DOCK1: variants seen among roughly 807,000 people sequenced by gnomAD.
DOCK1 encodes the protein dedicator of cytokinesis 1, also known as dedicator of cytokinesis protein 1.
A neutral mutation model predicts 262.7 loss-of-function variants in DOCK1; 138 were observed. That is an observed-to-expected ratio of 0.53 (90% CI 0.46 to 0.61). The LOEUF (loss-of-function observed/expected upper bound fraction) is 0.61, where lower values mean the gene tolerates loss of function less well. Among genes scored for constraint, DOCK1 ranks in the 20% least tolerant of loss-of-function variants. The pLI is 0.00. For synonymous variants in DOCK1, 866 were observed against 867.4 expected (o/e 1.00, Z 0.03); for missense variants, 1,908 against 2,370.7 (o/e 0.80, Z 4.05).
At chr10:127,183,250 G>GGATA (rs1667154885) in intron 27 of DOCK1, among the ~76,000 whole-genome samples, 2 of 152,166 alleles carry the variant, frequency 1.3e-5, no homozygotes, top group South Asian at 4.2e-4. Context: ...AATCAGGGCA[G>GGATA]GATATCTGCT....
intron 1 of DOCK1, among the ~76,000 whole-genome samples, chr10:126,940,694 G>A (rs1033652067): frequency 2.0e-5 from 3 of 152,214 alleles, no homozygotes; most frequent in Non-Finnish European, 4.4e-5. Flanking sequence ...GTGAGCCACT[G>A]CGCCTGGCCC....
chr10:126,948,706 G>C (rs979039871), intron 1 of DOCK1, among the ~76,000 whole-genome samples: 7 of 152,024 alleles, frequency 4.6e-5, no homozygotes, highest in Non-Finnish European at 4.4e-5. Context: ...CGGAGCCTGT[G>C]ATGCGGGCGC....
chr10:127,187,834 A>T (rs2056425299), intron 27 of DOCK1, among the ~76,000 whole-genome samples: 1 of 152,216 alleles, frequency 6.6e-6, no homozygotes, highest in African/African-American at 2.4e-5. Flanking sequence ...ACCCCAGTCC[A>T]GGTAAATCAG....
chr10:127,175,451 G>T lies in DOCK1; in HGVS notation c.2847+47687G>T. The T allele has an allele frequency of 6.2e-7, 1 of 1,611,656 alleles. No homozygotes were observed. The highest frequency in any genetic ancestry group is 8.5e-7 in the Non-Finnish European group (1 of 1,180,022). Reference sequence around the variant, plus strand: ...GCGACGGCTGCTCACTACATTCGGGGGACAGGCACTGCATCGGGGGTGAGC... The same window carrying T: ...GCGACGGCTGCTCACTACATTCGGGTGACAGGCACTGCATCGGGGGTGAGC... On this transcript the variant is annotated intron_variant, in intron 27 of 51. Transcript: ENST00000623213. This position sits in a 1 kb window ranked among gnomAD's most constrained non-coding sequence, Gnocchi z 6.3.
In DOCK1 at chr10:126,997,867, T is replaced by C. The variant is rs566024047; in HGVS notation, c.610-225T>C. The C allele has an allele frequency of 2.7e-5, 14 of 519,718 alleles. No homozygotes were observed. The South Asian group carries it at 3.9e-4, about 15-fold the overall frequency. The allele number at this position is 519,718 out of a possible 1,614,324, so 32.2% of individuals were successfully genotyped here. ...GATGGACACCTGAAAGTTTTGTATC[T>C]CTGAAAATACTCAGCACAGCAGTTG... On this transcript the variant is annotated intron_variant, in intron 7 of 51. Transcript: ENST00000623213.
chr10:126,979,632 ACACCTGGG>A (rs1034785884), intron 3 of DOCK1, among the ~76,000 whole-genome samples: 4 of 152,120 alleles, frequency 2.6e-5, no homozygotes, highest in African/African-American at 9.7e-5. Context: ...TTTCTGCACT[ACACCTGGG>A]CACCTAGACA....
chr10:127,082,780 G>A (rs916830351), intron 23 of DOCK1, among the ~76,000 whole-genome samples: 5 of 152,188 alleles, frequency 3.3e-5, no homozygotes, highest in East Asian at 3.9e-4. Flanking sequence ...TCCTTTCCCC[G>A]TGCCCCACAC....
chr10:127,404,547 C>G, intron 40 of DOCK1, 118 bp downstream of exon 40: 1 of 888,918 alleles, frequency 1.1e-6, no homozygotes, highest in Non-Finnish European at 1.8e-6. Flanking sequence ...ACTCTCTACA[C>G]TGCCATAGCT....
At chr10:127,081,802 T>G (rs547883878) in intron 23 of DOCK1, among the ~76,000 whole-genome samples, 23 of 152,222 alleles carry the variant, frequency 1.5e-4, no homozygotes, top group African/African-American at 5.3e-4. Context: ...GAGGTAAAAT[T>G]TATATGAACA....
At chr10:127,062,808 G>A (rs2045617792) in intron 23 of DOCK1, among the ~76,000 whole-genome samples, 1 of 152,244 alleles carries the variant, frequency 6.6e-6, no homozygotes, top group Non-Finnish European at 1.5e-5. Context: ...GCCCTGGAAA[G>A]GGTGGTGAAC....
intron 2 of DOCK1, among the ~76,000 whole-genome samples, chr10:126,971,599 G>A (rs1232775250): frequency 6.6e-6 from 1 of 152,042 alleles, no homozygotes; most frequent in Non-Finnish European, 1.5e-5. Context: ...TATATTTTTT[G>A]TAGAGACAGG....
chr10:127,433,232 G>A, intron 47 of DOCK1, 51 bp from the exon 48 acceptor site: 1 of 1,601,882 alleles, frequency 6.2e-7, no homozygotes, highest in Non-Finnish European at 8.5e-7. Flanking sequence ...GTCTGACCAT[G>A]GCAGGCACAG....
At chr10:127,438,608 G>A (rs977099978) in intron 48 of DOCK1, among the ~76,000 whole-genome samples, 5 of 152,154 alleles carry the variant, frequency 3.3e-5, no homozygotes, top group African/African-American at 9.7e-5. Flanking sequence ...TAGAGCCTTG[G>A]TCAGGATCAA....
intron 27 of DOCK1, among the ~76,000 whole-genome samples, chr10:127,246,049 C>T (rs74158641): frequency 6.2e-4 from 94 of 152,288 alleles, no homozygotes; most frequent in African/African-American, 2.0e-3. Context: ...CAGAGTACTT[C>T]GAAGCCTCTT....
chr10:127,280,841 T>G (rs2060935267), intron 29 of DOCK1, among the ~76,000 whole-genome samples: 1 of 152,158 alleles, frequency 6.6e-6, no homozygotes, highest in Non-Finnish European at 1.5e-5. Context: ...CATTTTTTAC[T>G]CCACGCTAAG....
At chr10:127,138,111 G>A in intron 27 of DOCK1, 1 of 1,126,964 alleles carries the variant, frequency 8.9e-7, no homozygotes, top group Non-Finnish European at 1.3e-6. Flanking sequence ...CATGATCAGT[G>A]TGTGTTTGTA....
chr10:127,276,255 C>G (rs1408142773), intron 29 of DOCK1, among the ~76,000 whole-genome samples: 1 of 152,174 alleles, frequency 6.6e-6, no homozygotes, highest in Non-Finnish European at 1.5e-5. Context: ...ACCAGAGCCC[C>G]TAGAGAGATG....
At chr10:127,385,135 A>G (rs1285145356) in intron 38 of DOCK1, among the ~76,000 whole-genome samples, 1 of 152,154 alleles carries the variant, frequency 6.6e-6, no homozygotes, top group Admixed American at 6.5e-5. Context: ...AGCACCAAGT[A>G]TTTTTATAAC....
chr10:126,965,659 GGCTTACTAT>G (rs2037617503), intron 1 of DOCK1, among the ~76,000 whole-genome samples: 2 of 152,014 alleles, frequency 1.3e-5, no homozygotes, highest in Admixed American at 1.3e-4. Context: ...TGGGCTGATG[GGCTTACTAT>G]GTTTTTTCTC....
Sources: allele counts gnomAD v4.1 joint callset (sites outside exome capture counted in the v4.1 genomes callset), GRCh38; gene constraint gnomAD v4.1.1; non-coding constraint Gnocchi (gnomAD v3.1); transcripts MANE v1.5; gene names NCBI Gene and HGNC (gene_info 2026-07-23, HGNC 2026-07-21).